CTIF: variants seen among roughly 807,000 people sequenced by gnomAD.
CTIF encodes the protein cap binding complex dependent translation initiation factor, also known as CBP80/20-dependent translation initiation factor.
In CTIF, 21 loss-of-function variants were observed where a neutral mutation model predicts 66.0. The observed-to-expected ratio is 0.32, with a 90% CI of 0.23 to 0.46. The LOEUF is 0.46. Among genes scored for constraint, CTIF ranks in the 20% least tolerant of loss-of-function variants. The pLI, the probability that CTIF is intolerant of heterozygous loss-of-function variation, is 1.00. For missense variants in CTIF, 739 were observed against 812.7 expected, an observed-to-expected ratio of 0.91 and a Z score of 1.10; for synonymous variants, 345 against 326.4, an observed-to-expected ratio of 1.06 and a Z score of -0.62.
Position 48,669,870 on chromosome 18 carries a change from T to G in CTIF, c.432-799T>G, listed in dbSNP as rs567063072. ...TAGACTATATATGTGTGTATATATG[T>G]ACCGTTTACTGTGGGCTGTCACAGT... is the stretch of plus-strand genomic sequence containing the variant. On this transcript the variant is annotated intron_variant, in intron 5 of 11. Transcript: ENST00000256413. Among the ~76,000 whole-genome samples, 30 of 141,294 alleles carry G rather than the reference T, an allele frequency of 2.1e-4. 2 individuals are homozygous for G. Among genetic ancestry groups the G allele is most frequent in the African/African-American group, 7.2e-4 (28 of 38,756 alleles). The allele number at this position is 141,294 out of a possible 152,430, so 92.7% of individuals were successfully genotyped here. A position where few individuals can be genotyped will look rare whatever the true frequency, so the allele number is the denominator to read the frequency against.
At chr18:48,648,327 C>T (rs184102299) in intron 3 of CTIF, among the ~76,000 whole-genome samples, 21 of 152,280 alleles carry the variant, frequency 1.4e-4, no homozygotes, top group African/African-American at 5.1e-4. Flanking sequence ...AATGGCCTTT[C>T]CCTCTCCCAG....
At chr18:48,727,027 A>G (rs924807870) in intron 7 of CTIF, among the ~76,000 whole-genome samples, 3 of 149,062 alleles carry the variant, frequency 2.0e-5, no homozygotes, top group African/African-American at 7.5e-5. Flanking sequence ...GGTACAGTTC[A>G]CTCTTGATCT....
At chr18:48,636,013 T>C (rs969879628) in intron 2 of CTIF, among the ~76,000 whole-genome samples, 7 of 152,192 alleles carry the variant, frequency 4.6e-5, no homozygotes, top group Non-Finnish European at 2.9e-5. Context: ...CCCAGGGACC[T>C]CCATGTTGCA....
intron 10 of CTIF, among the ~76,000 whole-genome samples, chr18:48,850,879 G>A (rs773730531): frequency 3.0e-4 from 45 of 152,216 alleles, no homozygotes; most frequent in Admixed American, 5.2e-4. Context: ...GGTGTGTGTG[G>A]GGAGGACAGG....
At chr18:48,621,486 A>G (rs879101808) in intron 2 of CTIF, 22 of 330,074 alleles carry the variant, frequency 6.7e-5, no homozygotes, top group Middle Eastern at 9.5e-4. Context: ...GCGAGTCCTG[A>G]GCCCTGGAGT....
In CTIF at chr18:48,761,783, G is replaced by T; in HGVS notation, c.1371+94G>T. The T allele has an allele frequency of 7.7e-7, 1 of 1,291,176 alleles. No individual in the cohort carries two copies. Among genetic ancestry groups the T allele is most frequent in the Non-Finnish European group, 1.1e-6 (1 of 937,356 alleles). The allele number at this position is 1,291,176 out of a possible 1,614,324, so 80.0% of individuals were successfully genotyped here. ...GAGAAGGCTGCGAGTTCTGGCCACA[G>T]TTGGACTTTTCCCAAGTTCCGCCCT... On this transcript the variant is annotated intron_variant, in intron 9 of 11. Transcript: ENST00000256413. This position sits in a 1 kb window ranked among gnomAD's most constrained non-coding sequence, Gnocchi z 4.2.
At chr18:48,654,561 T>G (rs918763365) in intron 3 of CTIF, among the ~76,000 whole-genome samples, 1 of 152,216 alleles carries the variant, frequency 6.6e-6, no homozygotes, top group Admixed American at 6.5e-5. Context: ...TGGAAGACAG[T>G]GTGGTGATTC....
intron 9 of CTIF, among the ~76,000 whole-genome samples, chr18:48,766,893 C>G (rs1909614705): frequency 6.6e-6 from 1 of 152,250 alleles, no homozygotes; most frequent in Admixed American, 6.5e-5. Context: ...CCCGCTGCCT[C>G]CATTTCTCTC....
At chr18:48,797,492 A>AGCG (rs1555695490) in intron 9 of CTIF, among the ~76,000 whole-genome samples, 1 of 129,874 alleles carries the variant, frequency 7.7e-6, no homozygotes, top group African/African-American at 3.1e-5. Context: ...AAAAAAGAAA[A>AGCG]GGGGTGGGGG....
intron 1 of CTIF, among the ~76,000 whole-genome samples, chr18:48,603,369 A>ATGGATGGATGGATGGATG (rs1555652731): frequency 2.4e-5 from 3 of 123,342 alleles, no homozygotes; most frequent in Admixed American, 7.7e-5. Flanking sequence ...ATAGGTGGGT[A>ATGGATGGATGGATGGATG]GATGGATGGA....
chr18:48,649,484 C>T (rs2091115613), intron 3 of CTIF, among the ~76,000 whole-genome samples: 2 of 152,262 alleles, frequency 1.3e-5, no homozygotes, highest in African/African-American at 4.8e-5. Flanking sequence ...CATAGCTCAG[C>T]AAGGCCTGTT....
chr18:48,764,799 C>T (rs547586006), intron 9 of CTIF, among the ~76,000 whole-genome samples: 77 of 152,332 alleles, frequency 5.1e-4, no homozygotes, highest in Middle Eastern at 6.8e-3. Flanking sequence ...TCATGTGAGC[C>T]GAGGAGGGAG....
At position 48,602,742 on chromosome 18, in the gene CTIF, A is replaced by G. The variant is rs1453673504; in HGVS notation, c.-28-16796A>G. On this transcript the variant is annotated intron_variant, in intron 1 of 11. Transcript: ENST00000256413. ...CTGCCCTTCGTTTTGTGTCCGTAAC[A>G]TTCAATACCAAGCTTGAGTTAGTGT... is the stretch of plus-strand genomic sequence containing the variant. Among the ~76,000 whole-genome samples, 7 of 152,356 alleles carry G rather than the reference A, an allele frequency of 4.6e-5. No individual in the cohort carries two copies. In the South Asian group the frequency reaches 6.2e-4, roughly 14 times the overall value.
intron 7 of CTIF, among the ~76,000 whole-genome samples, chr18:48,731,371 T>A (rs1321443261): frequency 6.6e-6 from 1 of 152,128 alleles, no homozygotes; most frequent in Non-Finnish European, 1.5e-5. Flanking sequence ...TCCTTTGGAA[T>A]AGGGAGAGAT....
At chr18:48,639,366 C>G (rs962700049) in intron 3 of CTIF, among the ~76,000 whole-genome samples, 11 of 152,144 alleles carry the variant, frequency 7.2e-5, no homozygotes, top group Non-Finnish European at 1.3e-4. Flanking sequence ...TCAAGGGCGT[C>G]ACTGCTAAGT....
In CTIF at chr18:48,824,972, C is replaced by G; in HGVS notation, c.1527+7596C>G. 4.6e-5 allele frequency among the ~76,000 whole-genome samples: 7 copies of G among 152,228 alleles called. No homozygotes were observed. The Middle Eastern group carries it at 0.024, about 518-fold the overall frequency. On this transcript the variant is annotated intron_variant, in intron 10 of 11. Transcript: ENST00000256413. ...GGGGAATTTTCAACAAAGTTCCATG[C>G]GCCTGTTTTCCTCCACTTCCTCTCA...
intron 10 of CTIF, among the ~76,000 whole-genome samples, chr18:48,838,248 C>T (rs1046446536): frequency 2.6e-5 from 4 of 152,206 alleles, no homozygotes; most frequent in Non-Finnish European, 5.9e-5. Context: ...AACAGCCCGT[C>T]AGCTTGTGGG....
chr18:48,796,866 C>G (rs751333129), intron 9 of CTIF, among the ~76,000 whole-genome samples: 1 of 152,230 alleles, frequency 6.6e-6, no homozygotes, highest in Non-Finnish European at 1.5e-5. Context: ...TTCCCCTATC[C>G]ACACTGCTTA....
intron 7 of CTIF, among the ~76,000 whole-genome samples, chr18:48,729,790 T>C (rs2092421236): frequency 1.3e-5 from 2 of 152,206 alleles, no homozygotes; most frequent in Admixed American, 1.3e-4. Context: ...TGGTGGGGGT[T>C]CAGAATGCTG....
Sources: gnomAD v4.1 joint callset for allele counts (sites outside exome capture counted in the v4.1 genomes callset) on GRCh38, gnomAD v4.1.1 for gene constraint, Gnocchi (gnomAD v3.1) non-coding constraint, MANE v1.5 for transcripts, NCBI Gene and HGNC (gene_info 2026-07-23, HGNC 2026-07-21) for gene names.